Variants in CIMAP1D observed in about 807,000 individuals in gnomAD.
CIMAP1D encodes the protein CIMAP1 family member D.
chr19:482,815 C>A, the CIMAP1D span, among the ~76,000 whole-genome samples: 1 of 152,178 alleles, frequency 6.6e-6, no homozygotes, highest in East Asian at 1.9e-4. Context: ...GTCTGAATGT[C>A]ACCCACCCTG....
the CIMAP1D span, among the ~76,000 whole-genome samples, chr19:470,705 C>G: frequency 4.1e-3 from 620 of 152,306 alleles, 2 homozygotes; most frequent in Middle Eastern, 0.017. Context: ...AATCCCCACA[C>G]AAGACCCTTC....
chr19:473,710 C>G, the CIMAP1D span, among the ~76,000 whole-genome samples: 3 of 126,288 alleles, frequency 2.4e-5, no homozygotes, highest in South Asian at 3.5e-4. Context: ...GAAACTGAGG[C>G]CCAGGCAGAG....
the CIMAP1D span, among the ~76,000 whole-genome samples, chr19:467,040 G>A: frequency 9.0e-6 from 1 of 110,774 alleles, no homozygotes; most frequent in South Asian, 3.3e-4. Context: ...AGGGTGGAAG[G>A]ATGGGTGGAT....
At chr19:473,981 T>A in the CIMAP1D span, among the ~76,000 whole-genome samples, 1 of 148,562 alleles carries the variant, frequency 6.7e-6, no homozygotes, top group Non-Finnish European at 1.5e-5. Flanking sequence ...CGGTCACAGA[T>A]GGGGAAACTG....
At chr19:482,517 A>T in the CIMAP1D span, among the ~76,000 whole-genome samples, 65 of 152,172 alleles carry the variant, frequency 4.3e-4, 6 homozygotes. Flanking sequence ...AAGACCCTCA[A>T]ATGTCAATGG....
the CIMAP1D span, among the ~76,000 whole-genome samples, chr19:478,922 G>A: frequency 6.6e-6 from 1 of 152,244 alleles, no homozygotes; most frequent in South Asian, 2.1e-4. Context: ...GGGAAAACGG[G>A]AGAGGACAAA....
the CIMAP1D span, among the ~76,000 whole-genome samples, chr19:483,231 G>A: frequency 2.9e-3 from 426 of 149,146 alleles, no homozygotes; most frequent in African/African-American, 9.0e-3. Context: ...TCACAGCCAC[G>A]GCCCAGTCCA....
the CIMAP1D span, chr19:464,100 C>T: frequency 1.3e-6 from 2 of 1,532,800 alleles, no homozygotes; most frequent in Non-Finnish European, 1.8e-6. Context: ...GTCGTACTGG[C>T]CCGGGCCTGG....
At chr19:484,294 C>T in the CIMAP1D span, among the ~76,000 whole-genome samples, 3 of 152,106 alleles carry the variant, frequency 2.0e-5, no homozygotes, top group East Asian at 5.8e-4. Flanking sequence ...GTGTGCGCCA[C>T]CACGCCCGGC....
chr19:466,856 G>A, the CIMAP1D span, among the ~76,000 whole-genome samples: 2 of 91,202 alleles, frequency 2.2e-5, no homozygotes, highest in Non-Finnish European at 4.4e-5. Context: ...GGGTGGGTGG[G>A]TGGATGGATG....
the CIMAP1D span, among the ~76,000 whole-genome samples, chr19:491,579 G>C: frequency 3.3e-5 from 5 of 151,908 alleles, no homozygotes; most frequent in Admixed American, 3.3e-4. Context: ...AGGCGTCAGA[G>C]CAGCTGACCA....
At chr19:463,751 CAGCCCCTCTCGCCTTCT>C in the CIMAP1D span, 5 of 1,503,728 alleles carry the variant, frequency 3.3e-6, no homozygotes, top group Admixed American at 2.3e-5. Flanking sequence ...ACTCCTTTCC[CAGCCCCTCTCGCCTTCT>C]AGCCCCTCCA....
chr19:489,011 C>A, the CIMAP1D span, among the ~76,000 whole-genome samples: 3 of 152,190 alleles, frequency 2.0e-5, no homozygotes, highest in Non-Finnish European at 4.4e-5. Flanking sequence ...GGACCGCGGG[C>A]TAGAGCGGCC....
chr19:467,641 G>A, the CIMAP1D span: 45 of 1,593,496 alleles, frequency 2.8e-5, no homozygotes, highest in Admixed American at 7.5e-4. Context: ...CTTGGCTCCA[G>A]TACTCACCCC....
the CIMAP1D span, among the ~76,000 whole-genome samples, chr19:484,142 T>TTC: frequency 5.9e-4 from 55 of 92,688 alleles, no homozygotes; most frequent in African/African-American, 1.6e-3. Flanking sequence ...TCTTTTTCTT[T>TTC]TTTTTTTTTT....
At chr19:478,439 T>C in the CIMAP1D span, among the ~76,000 whole-genome samples, 2 of 100,322 alleles carry the variant, frequency 2.0e-5, no homozygotes, top group Non-Finnish European at 3.2e-5. Flanking sequence ...GAAGACAGGA[T>C]GGGAAGCCGG....
chr19:471,694 GTTA>G, the CIMAP1D span, among the ~76,000 whole-genome samples: 2 of 150,714 alleles, frequency 1.3e-5, no homozygotes, highest in Non-Finnish European at 1.5e-5. Flanking sequence ...TATGGAGTCT[GTTA>G]TTATTTTTAA....
chr19:482,156 A>AT, the CIMAP1D span, among the ~76,000 whole-genome samples: 4 of 152,306 alleles, frequency 2.6e-5, no homozygotes, highest in East Asian at 7.7e-4. Context: ...ATTAACCCCC[A>AT]TATCCAAAAT....
the CIMAP1D span, among the ~76,000 whole-genome samples, chr19:481,398 G>GATGGAGAAGGATGAT: frequency 1.1e-5 from 1 of 95,176 alleles, no homozygotes; most frequent in African/African-American, 7.5e-5. Flanking sequence ...GAAGGATGAT[G>GATGGAGAAGGATGAT]GGGAAGGATG....
Sources: gnomAD v4.1 joint callset for allele counts (sites outside exome capture counted in the v4.1 genomes callset) on GRCh38, gnomAD v4.1.1 for gene constraint, MANE v1.5 for transcripts, NCBI Gene and HGNC (gene_info 2026-07-23, HGNC 2026-07-21) for gene names.